Variants in CYP4B1 observed in about 807,000 individuals in gnomAD.
CYP4B1 encodes the protein cytochrome P450 4B1.
In CYP4B1, 45 loss-of-function variants were observed where a neutral mutation model predicts 54.0. The observed-to-expected ratio is 0.83, with a 90% CI of 0.66 to 1.07. CYP4B1 has a LOEUF of 1.07. CYP4B1 is among the 50% of genes least tolerant of loss of function. The pLI is 0.00. For missense variants in CYP4B1, 656 were observed against 655.4 expected, an observed-to-expected ratio of 1.00 and a Z score of -0.01; for synonymous variants, 248 against 247.5, an observed-to-expected ratio of 1.00 and a Z score of -0.02.
intron 3 of CYP4B1, chr1:46,812,130 T>C (rs1306870274): frequency 6.3e-6 from 3 of 473,014 alleles, no homozygotes; most frequent in Non-Finnish European, 1.3e-5. Flanking sequence ...TCTCAGCAGC[T>C]GAGAGTCAAG....
chr1:46,801,262 A>C (rs1366272926), intron 1 of CYP4B1, among the ~76,000 whole-genome samples: 1 of 152,170 alleles, frequency 6.6e-6, no homozygotes, highest in Non-Finnish European at 1.5e-5. Context: ...TTGAGGTCTG[A>C]CGCTAAAAGG....
Position 46,817,175 on chromosome 1 carries a change from C to T in CYP4B1, c.1201C>T (p.Pro401Ser), listed in dbSNP as rs1047656596. 2.5e-6 allele frequency: 4 copies of T among 1,614,008 alleles called. No homozygotes were observed. In the African/African-American group the frequency reaches 4.0e-5, roughly 16 times the overall value. ...CACCTTTGTGGATGGCCGGTCTCTACCTGCAGGTGGGATGGGTGGATTTGG... is the reference window on the plus strand; with the variant it reads ...CACCTTTGTGGATGGCCGGTCTCTATCTGCAGGTGGGATGGGTGGATTTGG... ...PVTFVDGRSL[P>S]AGSLISMHIY... Residue 401 changes from proline (P) to serine (S), a missense_variant, in exon 9 of 12, where the codon CCT becomes TCT. Physicochemically the swap from Pro to Ser is moderately conservative, Grantham distance 74 (BLOSUM62 -1). Transcript: ENST00000371923.
Position 46,813,963 on chromosome 1 carries a change from GC to G in CYP4B1, c.676del (p.Arg226AlafsTer125). 1.2e-6 allele frequency: 2 copies of G among 1,614,184 alleles called. No individual in the cohort carries two copies. Among genetic ancestry groups the G allele is most frequent in the Non-Finnish European group, 1.7e-6 (2 of 1,180,024 alleles). ...VSDLTLLMQQ[R>X]LVSFQYHNDF... ...GCGATCTCACTCTGTTGATGCAGCA[GC>G]GCCTTGTGTCCTTCCAGTACCATAA... is the stretch of plus-strand genomic sequence containing the variant. On this transcript the variant is annotated frameshift_variant, in exon 6 of 12. Transcript: ENST00000371923. LOFTEE classifies it high-confidence loss of function.
At chr1:46,800,750 T>A (rs837398) in intron 1 of CYP4B1, among the ~76,000 whole-genome samples, 109,199 of 152,012 alleles carry the variant, frequency 0.72, 40,406 homozygotes, top group Non-Finnish European at 0.81. Flanking sequence ...ACACTAGAAA[T>A]GAGCTTGACC....
intron 4 of CYP4B1, 88 bp downstream of exon 4, chr1:46,812,711 G>T: frequency 6.9e-7 from 1 of 1,443,944 alleles, no homozygotes; most frequent in East Asian, 2.3e-5. Flanking sequence ...AGAGTAGGTG[G>T]TGCTCTGCAG....
intron 8 of CYP4B1, among the ~76,000 whole-genome samples, chr1:46,816,482 G>C (rs1472270338): frequency 6.6e-6 from 1 of 151,992 alleles, no homozygotes; most frequent in Non-Finnish European, 1.5e-5. Context: ...AAAAATAAGA[G>C]CCAGTGGGGA....
intron 1 of CYP4B1, among the ~76,000 whole-genome samples, chr1:46,809,555 T>A (rs1403288253): frequency 6.6e-6 from 1 of 152,236 alleles, no homozygotes; most frequent in Non-Finnish European, 1.5e-5. Flanking sequence ...TTCCCTAAAA[T>A]GGGACCACTT....
intron 3 of CYP4B1, chr1:46,812,141 G>A (rs1283468043): frequency 2.1e-6 from 1 of 476,740 alleles, no homozygotes. Context: ...GAGAGTCAAG[G>A]CTCAGCAGGC....
At chr1:46,814,868 C>A in intron 7 of CYP4B1, 1 of 585,448 alleles carries the variant, frequency 1.7e-6, no homozygotes. Context: ...TTGGCCAGAG[C>A]ATTTAGGGAG....
intron 2 of CYP4B1, 35 bp downstream of exon 2, chr1:46,810,984 G>A (rs1679076290): frequency 1.2e-6 from 2 of 1,612,136 alleles, no homozygotes; most frequent in Non-Finnish European, 1.7e-6. Flanking sequence ...AGGAGAGGGT[G>A]GGGCTTCCTG....
At position 46,818,225 on chromosome 1, in the gene CYP4B1, C is replaced by A; in HGVS notation, c.1355+12C>A. 1 of 1,611,122 alleles carries A rather than the reference C, an allele frequency of 6.2e-7. No homozygotes were observed. Among genetic ancestry groups the A allele is most frequent in the Non-Finnish European group, 8.5e-7 (1 of 1,177,348 alleles). On this transcript the variant is annotated intron_variant, in intron 11 of 11. Transcript: ENST00000371923. Reference sequence around the variant, plus strand: ...TCTGCTGGGCCCAGGTATGGAGAGACCCAGTATCCCAGGCCCTCAGGACTG... The same window carrying A: ...TCTGCTGGGCCCAGGTATGGAGAGAACCAGTATCCCAGGCCCTCAGGACTG...
intron 1 of CYP4B1, among the ~76,000 whole-genome samples, chr1:46,809,181 A>G (rs12093017): frequency 6.8e-6 from 1 of 146,558 alleles, no homozygotes; most frequent in South Asian, 2.2e-4. Flanking sequence ...ATCCTTAAAA[A>G]AAAACAAAAC....
In CYP4B1 at chr1:46,801,827, C is replaced by T. The variant is rs374399689; in HGVS notation, c.180+2566C>T. ...GGCCCAGGACTTCTGCATTTTAATT[C>T]GTAATGTTGTCAGACCATAAAAGGT... On this transcript the variant is annotated intron_variant, in intron 1 of 11. Coordinates refer to ENST00000371923, the MANE Select transcript of CYP4B1 (RefSeq NM_001099772.2). Among the ~76,000 whole-genome samples, 31 of 152,252 alleles carry T rather than the reference C, an allele frequency of 2.0e-4. 1 individual carries two copies. The highest frequency in any genetic ancestry group is 1.2e-3 in the East Asian group (6 of 5,188).
chr1:46,802,996 C>T (rs889951827), intron 1 of CYP4B1, among the ~76,000 whole-genome samples: 3 of 152,196 alleles, frequency 2.0e-5, no homozygotes, highest in Non-Finnish European at 4.4e-5. Context: ...GGGTCTAGGA[C>T]ATACCTGTGT....
intron 4 of CYP4B1, 46 bp from the exon 5 acceptor site, chr1:46,813,436 C>T (rs774623381): frequency 1.5e-5 from 25 of 1,613,198 alleles, no homozygotes; most frequent in Non-Finnish European, 1.9e-5. Flanking sequence ...GCCCAACTAA[C>T]CCCTGCATCG....
At chr1:46,802,299 AC>A (rs1306503565) in intron 1 of CYP4B1, among the ~76,000 whole-genome samples, 1 of 152,062 alleles carries the variant, frequency 6.6e-6, no homozygotes, top group Non-Finnish European at 1.5e-5. Context: ...AGTGCCCTTG[AC>A]CTTGTGCTGT....
chr1:46,803,517 C>G (rs1468741708), intron 1 of CYP4B1, among the ~76,000 whole-genome samples: 2 of 152,164 alleles, frequency 1.3e-5, no homozygotes, highest in Admixed American at 1.3e-4. Flanking sequence ...CGAAAGTCAT[C>G]AAAGGAGAGC....
At chr1:46,812,376 C>A in intron 3 of CYP4B1, 120 bp from the exon 4 acceptor site, 1 of 1,161,304 alleles carries the variant, frequency 8.6e-7, no homozygotes. Context: ...AATACTGGGT[C>A]GCTTAGTGGC....
chr1:46,808,184 G>A (rs1678936058), intron 1 of CYP4B1, among the ~76,000 whole-genome samples: 1 of 151,998 alleles, frequency 6.6e-6, no homozygotes, highest in African/African-American at 2.4e-5. Context: ...GCTCTCAAAT[G>A]GTATTTCTAG....
Sources: gnomAD v4.1 joint callset for allele counts (sites outside exome capture counted in the v4.1 genomes callset) on GRCh38, gnomAD v4.1.1 for gene constraint, MANE v1.5 for transcripts, NCBI Gene and HGNC (gene_info 2026-07-23, HGNC 2026-07-21) for gene names.